The following BLTP3B variants were observed in gnomAD, a reference collection of about 807,000 sequenced individuals.
BLTP3B encodes the protein UHRF1 (ICBP90) binding protein 1-like.
chr12:100,102,295 A>G, the BLTP3B span, among the ~76,000 whole-genome samples: 1 of 151,950 alleles, frequency 6.6e-6, no homozygotes, highest in South Asian at 2.1e-4. Context: ...GTATTTTAGT[A>G]GAGACAGGGT....
the BLTP3B span, among the ~76,000 whole-genome samples, chr12:100,123,854 T>C: frequency 6.6e-6 from 1 of 152,062 alleles, no homozygotes; most frequent in Non-Finnish European, 1.5e-5. Flanking sequence ...ATATAACCAG[T>C]TTTTCCAAAT....
chr12:100,083,225 T>A, the BLTP3B span: 9 of 828,588 alleles, frequency 1.1e-5, no homozygotes, highest in East Asian at 9.8e-5. Flanking sequence ...GAAATATATG[T>A]GAATACTAAC....
the BLTP3B span, among the ~76,000 whole-genome samples, chr12:100,085,607 T>C: frequency 1.3e-5 from 2 of 152,126 alleles, no homozygotes; most frequent in Non-Finnish European, 2.9e-5. Flanking sequence ...TAAACAAAAA[T>C]GTGTGAACAG....
At chr12:100,053,302 G>C in the BLTP3B span, among the ~76,000 whole-genome samples, 1 of 150,468 alleles carries the variant, frequency 6.6e-6, no homozygotes, top group African/African-American at 2.5e-5. Flanking sequence ...CTATTCAGGA[G>C]GCTGAGGAGG....
chr12:100,094,029 CTG>C, the BLTP3B span, among the ~76,000 whole-genome samples: 3 of 152,296 alleles, frequency 2.0e-5, no homozygotes, highest in East Asian at 3.9e-4. Flanking sequence ...TAAAACCTCT[CTG>C]TGTTTCTGTA....
the BLTP3B span, chr12:100,089,208 T>C: frequency 1.2e-6 from 1 of 841,358 alleles, no homozygotes; most frequent in Non-Finnish European, 1.7e-6. Context: ...GTACATCTTA[T>C]TTTTCATCAA....
At chr12:100,044,111 A>C in the BLTP3B span, among the ~76,000 whole-genome samples, 1 of 152,152 alleles carries the variant, frequency 6.6e-6, no homozygotes, top group South Asian at 2.1e-4. Context: ...TTTTTTAATA[A>C]GACAGACCTG....
At chr12:100,039,472 C>G in the BLTP3B span, 6 of 1,034,388 alleles carry the variant, frequency 5.8e-6, no homozygotes, top group Non-Finnish European at 8.1e-6. Context: ...AGCAAAGCAC[C>G]TGGGCACAAT....
the BLTP3B span, among the ~76,000 whole-genome samples, chr12:100,080,515 CT>C: frequency 2.0e-5 from 3 of 152,202 alleles, no homozygotes; most frequent in Non-Finnish European, 4.4e-5. Flanking sequence ...CATTTTGGAA[CT>C]TTTAAGATTT....
chr12:100,039,225 T>C, the BLTP3B span, among the ~76,000 whole-genome samples: 2 of 151,022 alleles, frequency 1.3e-5, no homozygotes, highest in Non-Finnish European at 2.9e-5. Flanking sequence ...TCAGAAATGA[T>C]AGCATACCCA....
chr12:100,114,248 T>C, the BLTP3B span, among the ~76,000 whole-genome samples: 1 of 152,208 alleles, frequency 6.6e-6, no homozygotes, highest in African/African-American at 2.4e-5. Flanking sequence ...TTATAGTGAT[T>C]GATCTACAGG....
the BLTP3B span, chr12:100,060,106 CA>C: frequency 4.0e-6 from 5 of 1,240,556 alleles, no homozygotes; most frequent in East Asian, 2.7e-5. Flanking sequence ...TCCCTGAGAA[CA>C]AAAAATACAT....
chr12:100,058,577 T>C, the BLTP3B span: 5 of 1,613,022 alleles, frequency 3.1e-6, no homozygotes, highest in African/African-American at 5.3e-5. Context: ...CCCCATTTTC[T>C]GTAGGCAAAT....
At chr12:100,084,779 T>C in the BLTP3B span, 4 of 1,026,628 alleles carry the variant, frequency 3.9e-6, no homozygotes, top group Non-Finnish European at 5.5e-6. Context: ...TCTGAAAAAT[T>C]TACAGGCTTC....
At chr12:100,100,174 G>A in the BLTP3B span, among the ~76,000 whole-genome samples, 5 of 151,686 alleles carry the variant, frequency 3.3e-5, no homozygotes, top group South Asian at 6.2e-4. Context: ...GCATGGTGGC[G>A]CATGCCTGTA....
the BLTP3B span, among the ~76,000 whole-genome samples, chr12:100,065,104 T>C: frequency 6.6e-6 from 1 of 152,116 alleles, no homozygotes; most frequent in Non-Finnish European, 1.5e-5. Flanking sequence ...GAGTATAAAT[T>C]GTGAAGATTT....
the BLTP3B span, among the ~76,000 whole-genome samples, chr12:100,104,884 C>CAAAAAAAAAAAAAAAAAAAAAAAAAA: frequency 1.5e-5 from 1 of 66,000 alleles, no homozygotes; most frequent in Non-Finnish European, 2.8e-5. Context: ...ACTGCTACTA[C>CAAAAAAAAAAAAAAAAAAAAAAAAAA]AAAAAAAAAA....
the BLTP3B span, among the ~76,000 whole-genome samples, chr12:100,073,212 T>C: frequency 6.6e-6 from 1 of 152,132 alleles, no homozygotes; most frequent in African/African-American, 2.4e-5. Flanking sequence ...ATCTTTACCA[T>C]AATCTCTCCA....
At chr12:100,061,293 T>C in the BLTP3B span, among the ~76,000 whole-genome samples, 1 of 152,074 alleles carries the variant, frequency 6.6e-6, no homozygotes, top group African/African-American at 2.4e-5. Flanking sequence ...TGCCCAAGAC[T>C]AGAGCACAGA....
Sources: gnomAD v4.1 joint callset for allele counts (sites outside exome capture counted in the v4.1 genomes callset) on GRCh38, gnomAD v4.1.1 for gene constraint, MANE v1.5 for transcripts, NCBI Gene and HGNC (gene_info 2026-07-23, HGNC 2026-07-21) for gene names.